The following ERICH3 variants were observed in gnomAD, a reference collection of about 807,000 sequenced individuals.
The protein encoded by ERICH3 is glutamate rich 3, also known as glutamate-rich protein 3.
In ERICH3, 126 loss-of-function variants were observed where a neutral mutation model predicts 131.1. That is an observed-to-expected ratio of 0.96 (90% CI 0.83 to 1.11). The LOEUF (loss-of-function observed/expected upper bound fraction) is 1.11, where lower values mean the gene tolerates loss of function less well. Among genes scored for constraint, ERICH3 ranks in the 50% most tolerant of loss-of-function variants. ERICH3 has a pLI of 0.00. For missense variants in ERICH3, 2,050 were observed against 1,810.7 expected, an observed-to-expected ratio of 1.13 and a Z score of -2.40; for synonymous variants, 695 against 644.6, an observed-to-expected ratio of 1.08 and a Z score of -1.18.
rs755806758 is a variant in ERICH3, at chr1:74,571,392, T to A, written c.4318A>T (p.Lys1440Ter). The A allele has an allele frequency of 1.2e-6, 2 of 1,614,024 alleles. No individual in the cohort carries two copies. The highest frequency in any genetic ancestry group is 1.7e-6 in the Non-Finnish European group (2 of 1,179,998). The part of the protein sequence containing the change: ...GVGTPGALER[K>*]TSGLGQEQEE... ...TGCTCCTGTCCTAGCCCTGAGGTCTTCCGCTCCAGGGCTCCTGGAGTGCCC... is the reference window on the plus strand; with the variant it reads ...TGCTCCTGTCCTAGCCCTGAGGTCTACCGCTCCAGGGCTCCTGGAGTGCCC... The change falls in exon 14 of 15, where the codon AAG becomes TAG. Residue 1440 changes from lysine (K) to a stop codon, truncating the protein, a stop_gained. Transcript: ENST00000326665. LOFTEE classifies it high-confidence loss of function.
chr1:74,665,391 T>C (rs995483788), intron 1 of ERICH3, among the ~76,000 whole-genome samples: 3 of 152,122 alleles, frequency 2.0e-5, no homozygotes, highest in African/African-American at 7.2e-5. Context: ...ATGACCCCCA[T>C]ATGTTATCAA....
chr1:74,663,622 T>TAA lies in ERICH3; in HGVS notation c.23+9873_23+9874dup, dbSNP rs75939047. 3.8e-3 allele frequency among the ~76,000 whole-genome samples: 498 copies of TAA among 131,862 alleles called. 2 individuals are homozygous for TAA. The highest frequency in any genetic ancestry group is 0.013 in the African/African-American group (465 of 36,064). The allele number at this position is 131,862 out of a possible 152,430, so 86.5% of individuals were successfully genotyped here. ...AAATGGTGTCCTTCCTGATTTTTGTTAAAAAAAAAAAAAAAAAAAGAAGTC... is the reference window on the plus strand; with the variant it reads ...AAATGGTGTCCTTCCTGATTTTTGTTAAAAAAAAAAAAAAAAAAAAAGAAGTC... On this transcript the variant is annotated intron_variant, in intron 1 of 14. Transcript: ENST00000326665.
chr1:74,612,981 T>C (rs942694978), intron 8 of ERICH3, among the ~76,000 whole-genome samples, 172 bp from the exon 9 acceptor site: 6 of 152,042 alleles, frequency 3.9e-5, no homozygotes, highest in African/African-American at 1.4e-4. Flanking sequence ...GGGTCACATA[T>C]AAAATACACT....
intron 4 of ERICH3, 86 bp from the exon 5 acceptor site, chr1:74,641,545 A>G: frequency 7.2e-7 from 1 of 1,394,656 alleles, no homozygotes; most frequent in Non-Finnish European, 9.8e-7. Context: ...ATACTATATG[A>G]CTAAAGAAAT....
chr1:74,665,191 C>T (rs536629210), intron 1 of ERICH3, among the ~76,000 whole-genome samples: 9 of 149,348 alleles, frequency 6.0e-5, no homozygotes, highest in South Asian at 2.1e-4. Flanking sequence ...GCAGCCTGGG[C>T]GACAGAGCAA....
chr1:74,646,695 G>T lies in ERICH3; in HGVS notation c.215C>A (p.Ala72Glu). ...CATATCAAGAACTTTATGAAAAATT[G>T]CCTGGGCTAAGCATTCCCGGATATA... ...QKYIRECLAQ[A>E]IFHKVLDMER... Residue 72 changes from alanine to glutamate, a missense_variant, in exon 3 of 15, where the codon GCA becomes GAA. Physicochemically the swap from Ala to Glu is moderately radical, Grantham distance 107 (BLOSUM62 -1). Transcript: ENST00000326665. 1 of 1,436,022 alleles carries T rather than the reference G, an allele frequency of 7.0e-7. No individual in the cohort carries two copies. The highest frequency in any genetic ancestry group is 9.4e-7 in the Non-Finnish European group (1 of 1,061,504). The allele number at this position is 1,436,022 out of a possible 1,614,324, so 89.0% of individuals were successfully genotyped here. A position where few individuals can be genotyped will look rare whatever the true frequency, so the allele number is the denominator to read the frequency against.
chr1:74,609,737 C>CA (rs1046481083), intron 9 of ERICH3, among the ~76,000 whole-genome samples: 137 of 151,160 alleles, frequency 9.1e-4, no homozygotes, highest in African/African-American at 2.8e-3. Flanking sequence ...ATGAAGTTAA[C>CA]AAAAAAAAAT....
intron 5 of ERICH3, among the ~76,000 whole-genome samples, chr1:74,638,444 A>C (rs778888136): frequency 3.2e-4 from 49 of 152,220 alleles, no homozygotes; most frequent in Non-Finnish European, 6.3e-4. Context: ...ATACAACTTA[A>C]AGTTCCACAG....
At chr1:74,579,414 T>C (rs1455803011) in intron 12 of ERICH3, 2 of 985,284 alleles carry the variant, frequency 2.0e-6, no homozygotes, top group Non-Finnish European at 2.4e-6. Context: ...TCAGAAATGA[T>C]AGTGAAGCTT....
In ERICH3 at chr1:74,589,988, T is replaced by C; in HGVS notation, c.1819A>G (p.Thr607Ala). 2 of 1,614,012 alleles carry C rather than the reference T, an allele frequency of 1.2e-6. No individual in the cohort carries two copies. Among genetic ancestry groups the C allele is most frequent in the African/African-American group, 2.7e-5 (2 of 75,036 alleles). The change falls in exon 12 of 15, where the codon ACT becomes GCT. Residue 607 changes from threonine to alanine, a missense_variant. Physicochemically the swap from Thr to Ala is moderately conservative, Grantham distance 58. Coordinates refer to ENST00000326665, the MANE Select transcript of ERICH3 (RefSeq NM_001002912.5). ...GCACTTTCATCTGTGCTGCTGTCAGTGTGGGCTTCCCTGTCCCCCACTGCA... is the reference window on the plus strand; with the variant it reads ...GCACTTTCATCTGTGCTGCTGTCAGCGTGGGCTTCCCTGTCCCCCACTGCA... Reference protein sequence around the residue: ...ESAVGDREAHTDSSTDESARR... With the variant: ...ESAVGDREAHADSSTDESARR...
At chr1:74,616,273 G>A (rs542945411) in intron 8 of ERICH3, among the ~76,000 whole-genome samples, 2 of 152,136 alleles carry the variant, frequency 1.3e-5, no homozygotes, top group African/African-American at 2.4e-5. Context: ...GCCCGTCTTG[G>A]CCTCCCAAAG....
Position 74,568,360 on chromosome 1 carries a change from C to A in ERICH3, c.*2098G>T, listed in dbSNP as rs1646896031. The A allele has an allele frequency of 6.6e-6, 1 of 152,036 alleles. No individual in the cohort carries two copies. Among genetic ancestry groups the A allele is most frequent in the African/African-American group, 2.4e-5 (1 of 41,422 alleles). The allele number at this position is 152,036 out of a possible 1,614,324, so 9.4% of individuals were successfully genotyped here. A position where few individuals can be genotyped will look rare whatever the true frequency, so the allele number is the denominator to read the frequency against. On this transcript the variant is annotated 3_prime_UTR_variant, in exon 15 of 15. Transcript: ENST00000326665. ...ATGCAATACTATTTAGCACATTGTACAAAACTAATTTTTCAATGGGATTAA... is the reference window on the plus strand; with the variant it reads ...ATGCAATACTATTTAGCACATTGTAAAAAACTAATTTTTCAATGGGATTAA...
intron 3 of ERICH3, among the ~76,000 whole-genome samples, chr1:74,644,670 T>C (rs1646466397): frequency 6.6e-6 from 1 of 152,066 alleles, no homozygotes; most frequent in Non-Finnish European, 1.5e-5. Context: ...AGCTTCTCTG[T>C]AGACAGCTGC....
In ERICH3 at chr1:74,599,692, C is replaced by T. The variant is rs146425012; in HGVS notation, c.1726+3G>A. ...ATGTTACATGATAAGCTGAACAACT[C>T]GCCTTGTTTATCCTCTTCCAGTTCA... On this transcript the variant is annotated splice_donor_region_variant and intron_variant, in intron 11 of 14. Transcript: ENST00000326665. 171 of 1,597,190 alleles carry T rather than the reference C, an allele frequency of 1.1e-4. No individual in the cohort carries two copies. The highest frequency in any genetic ancestry group is 3.4e-4 in the Middle Eastern group (2 of 5,940).
At chr1:74,590,122 A>C in intron 11 of ERICH3, 42 bp from the exon 12 acceptor site, 1 of 1,454,410 alleles carries the variant, frequency 6.9e-7, no homozygotes, top group East Asian at 2.4e-5. Context: ...TGTTCTGTAA[A>C]GCAATTGGTT....
chr1:74,591,282 G>A (rs1325808134), intron 11 of ERICH3, among the ~76,000 whole-genome samples: 1 of 152,106 alleles, frequency 6.6e-6, no homozygotes, highest in Admixed American at 6.6e-5. Context: ...GGGAAGGAAG[G>A]GCAGAAATCA....
chr1:74,664,377 A>G (rs11210494), intron 1 of ERICH3, among the ~76,000 whole-genome samples: 3,759 of 152,122 alleles, frequency 0.025, 164 homozygotes, highest in African/African-American at 0.086. Flanking sequence ...CTATTATTCT[A>G]ATTTACAGCA....
rs1296195828 is a variant in ERICH3 at position 74,606,603 on chromosome 1, TA to T, written c.1486del (p.Tyr496MetfsTer9). 1 of 1,598,018 alleles carries T rather than the reference TA, an allele frequency of 6.3e-7. No individual in the cohort carries two copies. The highest frequency in any genetic ancestry group is 2.2e-5 in the East Asian group (1 of 44,676). On this transcript the variant is annotated frameshift_variant, in exon 10 of 15. Transcript: ENST00000326665. LOFTEE classifies it high-confidence loss of function. The stretch of plus-strand genomic sequence containing the variant: ...AAGAAACTTGTGTTGTTGATTACCA[TA>T]TTTTAAAGTATTTTCCTGGTCGTCT... Reference protein sequence around the residue: ...LEDDQENTLKYEYEEDFEVDE... With the variant: ...LEDDQENTLKXEYEEDFEVDE...
intron 9 of ERICH3, among the ~76,000 whole-genome samples, chr1:74,609,653 T>A (rs908249653): frequency 1.3e-5 from 2 of 151,998 alleles, no homozygotes; most frequent in African/African-American, 2.4e-5. Flanking sequence ...TTACCTGACC[T>A]GCAACAGGGA....
Sources: gnomAD v4.1 joint callset for allele counts (sites outside exome capture counted in the v4.1 genomes callset) on GRCh38, gnomAD v4.1.1 for gene constraint, MANE v1.5 for transcripts, NCBI Gene and HGNC (gene_info 2026-07-23, HGNC 2026-07-21) for gene names.